PMPCB: variants seen among roughly 807,000 people sequenced by gnomAD.
The protein encoded by PMPCB is peptidase, mitochondrial processing subunit beta, also known as mitochondrial-processing peptidase subunit beta.
PMPCB carries 46 observed loss-of-function variants against 61.5 expected under a neutral mutation model. That is an observed-to-expected ratio of 0.75 (90% CI 0.59 to 0.96). The LOEUF (loss-of-function observed/expected upper bound fraction) is 0.96. Ranked by LOEUF, PMPCB falls within the 40% of genes least tolerant of loss-of-function variation. The pLI is 0.00. For synonymous variants in PMPCB, 191 were observed against 201.6 expected (o/e 0.95, Z 0.44); for missense variants, 590 against 602.4 (o/e 0.98, Z 0.22).
At chr7:103,338,475 T>C in the PMPCB span, among the ~76,000 whole-genome samples, 5 of 151,416 alleles carry the variant, frequency 3.3e-5, no homozygotes, top group East Asian at 1.0e-3. Flanking sequence ...TTGTGTATTT[T>C]TAGTAGAGAC....
intron 12 of PMPCB, chr7:103,327,599 G>T: frequency 8.6e-7 from 1 of 1,159,758 alleles, no homozygotes; most frequent in Non-Finnish European, 1.3e-6. Context: ...CCCAATCCCA[G>T]CAATTAATAA....
chr7:103,323,832 C>A (rs1385012549), intron 12 of PMPCB, among the ~76,000 whole-genome samples: 1 of 152,162 alleles, frequency 6.6e-6, no homozygotes, highest in Non-Finnish European at 1.5e-5. Flanking sequence ...GTATGAAAAT[C>A]TAAAATGCAC....
intron 6 of PMPCB, among the ~76,000 whole-genome samples, chr7:103,306,046 C>T (rs1023649804): frequency 1.3e-5 from 2 of 152,158 alleles, no homozygotes; most frequent in Non-Finnish European, 2.9e-5. Context: ...TTAAATACTA[C>T]ATAAGTGATG....
rs1817833036 is a variant in PMPCB at position 103,312,894 on chromosome 7, C to T, written c.*623C>T. The T allele has an allele frequency of 1.9e-6, 3 of 1,572,902 alleles. No individual in the cohort carries two copies. In the African/African-American group the frequency reaches 4.1e-5, roughly 22 times the overall value. On this transcript the variant is annotated 3_prime_UTR_variant, in exon 13 of 13. Transcript: ENST00000249269. ...AATAGACATAAAATATGAGCTATAT[C>T]ACCCAAGCTACAATTTAAAATACAA... is the stretch of plus-strand genomic sequence containing the variant.
At chr7:103,315,169 AT>A (rs35425130), downstream of PMPCB, among the ~76,000 whole-genome samples, 83,981 of 146,708 alleles carry the variant, frequency 0.57, 25,368 homozygotes, top group Middle Eastern at 0.79. Flanking sequence ...AAACCCTAAC[AT>A]TTTTTTTTTT....
intron 4 of PMPCB, among the ~76,000 whole-genome samples, chr7:103,301,120 T>G (rs1167461246): frequency 3.9e-5 from 6 of 152,244 alleles, no homozygotes; most frequent in African/African-American, 1.4e-4. Context: ...TATTATCCAT[T>G]TGATGTGCAT....
intron 12 of PMPCB, chr7:103,323,800 T>C (rs1818553967): frequency 3.0e-6 from 2 of 660,448 alleles, no homozygotes; most frequent in South Asian, 3.2e-5. Context: ...GTCTTTCTCC[T>C]TTTTTAAGGA....
At chr7:103,318,692 GTT>G (rs1408474106), downstream of PMPCB, among the ~76,000 whole-genome samples, 3 of 152,228 alleles carry the variant, frequency 2.0e-5, no homozygotes, top group East Asian at 5.8e-4. Context: ...TTCTGGGCCT[GTT>G]TTCTTATCTG....
intron 6 of PMPCB, 123 bp from the exon 7 acceptor site, chr7:103,307,473 A>AAAT: frequency 1.6e-6 from 1 of 610,236 alleles, no homozygotes; most frequent in South Asian, 2.1e-5. Context: ...GCTTACTCTT[A>AAAT]AATAATGGCT....
At chr7:103,329,471 AAC>A (rs1586098143) in exon 13 of PMPCB, 1 of 152,304 alleles carries the variant, frequency 6.6e-6, no homozygotes, top group Non-Finnish European at 1.5e-5. Flanking sequence ...ATGTTTCAAA[AAC>A]AGTCATCTTT....
In PMPCB at chr7:103,311,879, C is replaced by T. The variant is rs769451629; in HGVS notation, c.1312C>T (p.Leu438Phe). ...TAATAGAAGGATTCCCATCCCTGAG[C>T]TTGAAGCAAGAATTGATGTAAGTAG... The part of the protein sequence containing the change: ...CYNRRIPIPE[L>F]EARIDAVNAE... The change falls in exon 11 of 13, where the codon CTT (leucine) becomes TTT (phenylalanine). Residue 438 changes from leucine (L) to phenylalanine (F), a missense_variant. Physicochemically the swap from Leu to Phe is conservative, Grantham distance 22. Coordinates refer to ENST00000249269, the MANE Select transcript of PMPCB (RefSeq NM_004279.3). The T allele has an allele frequency of 1.5e-5, 24 of 1,610,088 alleles. No homozygotes were observed. The Admixed American group carries it at 3.0e-4, about 20-fold the overall frequency.
At chr7:103,344,590 C>T in the PMPCB span, 1 of 1,613,146 alleles carries the variant, frequency 6.2e-7, no homozygotes, top group East Asian at 2.2e-5. Context: ...TGGCGGTGCC[C>T]CGGCCGTCCG....
chr7:103,322,642 GAA>G, intron 12 of PMPCB: 2 of 1,612,894 alleles, frequency 1.2e-6, no homozygotes, highest in Non-Finnish European at 1.7e-6. Context: ...TCTAGCAAAA[GAA>G]AAAGTTAATC....
chr7:103,342,611 T>A, the PMPCB span, among the ~76,000 whole-genome samples: 1 of 135,492 alleles, frequency 7.4e-6, no homozygotes, highest in Non-Finnish European at 1.6e-5. Context: ...ACCTGGACAA[T>A]TTTTTTTTTT....
chr7:103,344,682 AG>A, the PMPCB span: 2 of 1,565,076 alleles, frequency 1.3e-6, no homozygotes, highest in Non-Finnish European at 1.7e-6. Flanking sequence ...GAGGGCGCTT[AG>A]GGTCCCCTCC....
chr7:103,298,437 C>A, intron 1 of PMPCB, 131 bp from the exon 2 acceptor site: 1 of 977,154 alleles, frequency 1.0e-6, no homozygotes. Flanking sequence ...CTCAGTGGAA[C>A]CAAAATTCAA....
rs529309681 is a variant in PMPCB at position 103,314,014 on chromosome 7, T to C, written c.*1743T>C. 15 of 985,244 alleles carry C rather than the reference T, an allele frequency of 1.5e-5. No homozygotes were observed. The South Asian group carries it at 6.1e-4, about 40-fold the overall frequency. The allele number at this position is 985,244 out of a possible 1,614,324, so 61.0% of individuals were successfully genotyped here. On this transcript the variant is annotated 3_prime_UTR_variant, in exon 13 of 13. Coordinates refer to ENST00000249269, the MANE Select transcript of PMPCB (RefSeq NM_004279.3). ...CCTAGAAACCAAAGTTCCTTCCCAA[T>C]TAAAGAAGGAAAAACAAAACAAAAC...
intron 4 of PMPCB, among the ~76,000 whole-genome samples, chr7:103,301,873 T>A (rs28399298): frequency 0.016 from 2,405 of 152,190 alleles, 61 homozygotes; most frequent in African/African-American, 0.056. Context: ...ACATATGTAT[T>A]CATGTGCCGT....
At position 103,328,954 on chromosome 7, in the gene PMPCB, C is replaced by T. The variant is rs772091266; in HGVS notation, c.*1455C>T. 1.9e-5 allele frequency: 23 copies of T among 1,243,132 alleles called. No homozygotes were observed. The East Asian group carries it at 1.1e-3, about 60-fold the overall frequency. 77.0% of individuals were successfully genotyped at this position (1,243,132 alleles called of 1,614,324 possible). A position where few individuals can be genotyped will look rare whatever the true frequency, so the allele number is the denominator to read the frequency against. On this transcript the variant is annotated 3_prime_UTR_variant and NMD_transcript_variant, in exon 13 of 13. Transcript: ENST00000444457. Reference sequence around the variant, plus strand: ...AGGATATAATCACAGAAGTGAACTTCATGAATGGAAATGGAACAAGTTATT... The same window carrying T: ...AGGATATAATCACAGAAGTGAACTTTATGAATGGAAATGGAACAAGTTATT...
Sources: gnomAD v4.1 joint callset for allele counts (sites outside exome capture counted in the v4.1 genomes callset) on GRCh38, gnomAD v4.1.1 for gene constraint, MANE v1.5 for transcripts, NCBI Gene and HGNC (gene_info 2026-07-23, HGNC 2026-07-21) for gene names.